The following COG5 variants were observed in gnomAD, a reference collection of about 807,000 sequenced individuals.
COG5 encodes conserved oligomeric Golgi complex subunit 5.
In COG5, 86 loss-of-function variants were observed where a neutral mutation model predicts 110.4. The observed-to-expected ratio is 0.78, with a 90% CI of 0.65 to 0.93. The LOEUF (loss-of-function observed/expected upper bound fraction) is 0.93. COG5 is among the 40% of genes least tolerant of loss of function. COG5 has a pLI of 0.00. For missense variants in COG5, 1,077 were observed against 987.0 expected (o/e 1.09, Z -1.22); for synonymous variants, 360 against 334.6 (o/e 1.08, Z -0.83).
intron 7 of COG5, among the ~76,000 whole-genome samples, chr7:107,397,476 T>G (rs1791100471): frequency 6.6e-6 from 1 of 152,094 alleles, no homozygotes; most frequent in Non-Finnish European, 1.5e-5. Context: ...TACAGCCTCA[T>G]CCAGCACCAT....
intron 6 of COG5, among the ~76,000 whole-genome samples, chr7:107,496,674 AC>A (rs200236912): frequency 4.6e-5 from 7 of 150,872 alleles, no homozygotes; most frequent in South Asian, 2.1e-4. Flanking sequence ...AAAACAAAAA[AC>A]AAAAAACAAA....
rs1038941402 is a variant in COG5 at position 107,522,463 on chromosome 7, C to T, written c.538+4774G>A. On this transcript the variant is annotated intron_variant, in intron 6 of 21. Transcript: ENST00000297135. The stretch of plus-strand genomic sequence containing the variant: ...AGCCTGTGCAACGAGAGTGAAACTC[C>T]GTCTCAAAAAACAACAACAACAACA... 4.6e-5 allele frequency among the ~76,000 whole-genome samples: 7 copies of T among 152,086 alleles called. No individual in the cohort carries two copies. In the South Asian group the frequency reaches 6.2e-4, roughly 14 times the overall value.
At chr7:107,316,596 G>C (rs951540192) in intron 11 of COG5, among the ~76,000 whole-genome samples, 10 of 147,404 alleles carry the variant, frequency 6.8e-5, no homozygotes, top group Admixed American at 4.2e-4. Flanking sequence ...GGCGGATCAC[G>C]AGGTCTGGAG....
chr7:107,512,213 T>A (rs1176575522), intron 6 of COG5, among the ~76,000 whole-genome samples: 1 of 152,052 alleles, frequency 6.6e-6, no homozygotes, highest in East Asian at 1.9e-4. Context: ...GGATACAAAA[T>A]CAATGTGCAA....
intron 6 of COG5, among the ~76,000 whole-genome samples, chr7:107,413,216 T>C (rs926978308): frequency 9.9e-5 from 15 of 152,050 alleles, no homozygotes; most frequent in African/African-American, 2.9e-4. Flanking sequence ...GGTCTCACTA[T>C]GTTGTTCAAG....
intron 8 of COG5, among the ~76,000 whole-genome samples, chr7:107,369,037 G>A (rs554547009): frequency 2.0e-5 from 3 of 152,276 alleles, no homozygotes; most frequent in African/African-American, 7.2e-5. Flanking sequence ...AGGCTCAAGT[G>A]ATCCTTCCAC....
At chr7:107,345,424 C>G (rs1811514238) in intron 10 of COG5, among the ~76,000 whole-genome samples, 1 of 151,984 alleles carries the variant, frequency 6.6e-6, no homozygotes, top group African/African-American at 2.4e-5. Context: ...AATAAAAATG[C>G]AGTATCTGTG....
intron 10 of COG5, among the ~76,000 whole-genome samples, chr7:107,338,426 G>A (rs1163618278): frequency 6.6e-6 from 1 of 151,918 alleles, no homozygotes; most frequent in African/African-American, 2.4e-5. Flanking sequence ...AATGCTACTG[G>A]GAAAACTAGA....
chr7:107,535,636 C>A (rs1198930454), intron 5 of COG5, among the ~76,000 whole-genome samples: 2 of 152,098 alleles, frequency 1.3e-5, no homozygotes, highest in African/African-American at 4.8e-5. Context: ...CTGAATAGAC[C>A]AATAACAAGT....
At chr7:107,483,179 T>G (rs1181452184) in intron 6 of COG5, among the ~76,000 whole-genome samples, 1 of 152,210 alleles carries the variant, frequency 6.6e-6, no homozygotes, top group Admixed American at 6.5e-5. Flanking sequence ...TATAATAGTT[T>G]AGGTAACACT....
chr7:107,367,927 T>G (rs1584736964), intron 8 of COG5, among the ~76,000 whole-genome samples: 1 of 151,698 alleles, frequency 6.6e-6, no homozygotes, highest in East Asian at 1.9e-4. Flanking sequence ...CTAAAGCTAC[T>G]GAAAAAAAGA....
Position 107,474,026 on chromosome 7 carries a change from A to T in COG5, c.538+53211T>A. The T allele has an allele frequency of 9.1e-7, 1 of 1,101,576 alleles. No individual in the cohort carries two copies. The highest frequency in any genetic ancestry group is 1.3e-6 in the Non-Finnish European group (1 of 753,024). 68.2% of individuals were successfully genotyped at this position (1,101,576 alleles called of 1,614,324 possible). ...AATATCAAATAGTTTATTCTATTTC[A>T]CTTTCTAGGGAAAAAAACCAACTGC... On this transcript the variant is annotated intron_variant, in intron 6 of 21. Transcript: ENST00000297135. This position sits in a 1 kb window ranked among gnomAD's most constrained non-coding sequence, Gnocchi z 5.7.
At chr7:107,452,844 A>G (rs184068697) in intron 6 of COG5, among the ~76,000 whole-genome samples, 71 of 152,172 alleles carry the variant, frequency 4.7e-4, no homozygotes, top group Non-Finnish European at 6.8e-4. Flanking sequence ...ACTTTCACCA[A>G]TCTGAACAAG....
chr7:107,372,755 TG>T lies in COG5; in HGVS notation c.674del (p.Pro225GlnfsTer17), dbSNP rs1216109359. 6.2e-7 allele frequency: 1 copy of T among 1,613,496 alleles called. No individual in the cohort carries two copies. Among genetic ancestry groups the T allele is most frequent in the Admixed American group, 1.7e-5 (1 of 59,986 alleles). On this transcript the variant is annotated frameshift_variant, in exon 8 of 22. Coordinates refer to ENST00000297135, the MANE Select transcript of COG5 (RefSeq NM_006348.5). LOFTEE classifies it high-confidence loss of function. Reference sequence around the variant, plus strand: ...CCTGAAGAGCTGTTCCGACTTGAGTTGGATTCTTAAAAAAAGGTGGGGTGGG... The same window carrying T: ...CCTGAAGAGCTGTTCCGACTTGAGTTGATTCTTAAAAAAAGGTGGGGTGGG... ...LLEQGLETQN[P>X]TQVGTALQVF...
intron 7 of COG5, among the ~76,000 whole-genome samples, chr7:107,395,618 G>A (rs1420236957): frequency 8.2e-6 from 1 of 121,946 alleles, no homozygotes; most frequent in African/African-American, 3.2e-5. Flanking sequence ...ACAGTGGCAA[G>A]ACCTCGGCTT....
At chr7:107,532,127 G>A (rs182576122) in intron 5 of COG5, among the ~76,000 whole-genome samples, 19 of 152,224 alleles carry the variant, frequency 1.2e-4, no homozygotes, top group Admixed American at 2.6e-4. Flanking sequence ...CACAACCTTG[G>A]CTTACTGCAA....
chr7:107,268,803 ATTC>A (rs1275251536), intron 14 of COG5, among the ~76,000 whole-genome samples: 2 of 152,160 alleles, frequency 1.3e-5, no homozygotes, highest in Non-Finnish European at 2.9e-5. Context: ...TTATGTCAGC[ATTC>A]TTCTGATTAG....
intron 6 of COG5, among the ~76,000 whole-genome samples, chr7:107,428,398 C>T (rs187396116): frequency 1.3e-4 from 20 of 152,070 alleles, no homozygotes; most frequent in Admixed American, 2.6e-4. Flanking sequence ...GAGGAGAATG[C>T]CATGTAAAGC....
At chr7:107,238,561 T>G (rs992679780) in intron 17 of COG5, among the ~76,000 whole-genome samples, 4 of 152,304 alleles carry the variant, frequency 2.6e-5, no homozygotes, top group South Asian at 2.1e-4. Flanking sequence ...TTTTAGTTTT[T>G]TGAGAAACGT....
Sources: allele counts gnomAD v4.1 joint callset (sites outside exome capture counted in the v4.1 genomes callset), GRCh38; gene constraint gnomAD v4.1.1; non-coding constraint Gnocchi (gnomAD v3.1); transcripts MANE v1.5; gene names NCBI Gene and HGNC (gene_info 2026-07-23, HGNC 2026-07-21).